SPEN: variants seen among roughly 807,000 people sequenced by gnomAD.
The protein encoded by SPEN is msx2-interacting protein.
Under a neutral mutation model 269.9 loss-of-function variants are expected in SPEN, and 18 were observed. That is an observed-to-expected ratio of 0.07 (90% confidence interval 0.05 to 0.10). SPEN has a LOEUF of 0.10. Ranked by LOEUF, SPEN falls within the 10% of genes least tolerant of loss-of-function variation. SPEN has a pLI of 1.00. For synonymous variants in SPEN, 1,726 were observed against 1,765.7 expected, an observed-to-expected ratio of 0.98 and a Z score of 0.56; for missense variants, 3,822 against 4,631.2, an observed-to-expected ratio of 0.83 and a Z score of 5.07.
rs149991335 is a variant in SPEN at position 15,870,058 on chromosome 1, G to A, written c.84-2758G>A. 4.8e-3 allele frequency among the ~76,000 whole-genome samples: 729 copies of A among 152,020 alleles called. 3 individuals carry two copies. Among genetic ancestry groups the A allele is most frequent in the African/African-American group, 0.017 (687 of 41,474 alleles). On this transcript the variant is annotated intron_variant, in intron 1 of 14. Coordinates refer to ENST00000375759, the MANE Select transcript of SPEN (RefSeq NM_015001.3). ...TAATTTTTGTATTTTTAGTAGAGACGGGGTTTCACCATGTTGGTCAGGCTG... is the reference window on the plus strand; with the variant it reads ...TAATTTTTGTATTTTTAGTAGAGACAGGGTTTCACCATGTTGGTCAGGCTG...
chr1:15,897,270 A>G (rs2070851404), intron 3 of SPEN, among the ~76,000 whole-genome samples: 1 of 152,024 alleles, frequency 6.6e-6, no homozygotes, highest in East Asian at 1.9e-4. Context: ...GCTCACTGCA[A>G]CCTCCACTTC....
chr1:15,908,999 A>G (rs190314033), intron 3 of SPEN, among the ~76,000 whole-genome samples: 92 of 152,214 alleles, frequency 6.0e-4, no homozygotes, highest in African/African-American at 2.1e-3. Context: ...CCATATACGC[A>G]CTATTATTAT....
In SPEN at chr1:15,935,129, C is replaced by T. The variant is rs151181793; in HGVS notation, c.8889C>T (p.Pro2963=). 1.4e-4 allele frequency: 223 copies of T among 1,614,044 alleles called. 1 individual carries two copies. In the African/African-American group the frequency reaches 2.9e-3, roughly 21 times the overall value. The change falls in exon 11 of 15, where the codon CCC becomes CCT. Residue 2963 remains proline (P), a synonymous_variant. Transcript: ENST00000375759. This position sits in a 1 kb window ranked among gnomAD's most constrained non-coding sequence, Gnocchi z 7.7. ...IVTTNKKLAD[P]VTLKIETKVL... ...CCACAAACAAGAAGCTTGCTGACCC[C>T]GTCACCCTTAAAATCGAGACCAAGG...
chr1:15,863,731 C>T lies in SPEN; in HGVS notation c.84-9085C>T, dbSNP rs112394214. ...TGGTGCCTGCCTGTAGTCCCAGCTG[C>T]TTAGGAGGCTGAGATAGGAGGATTG... is the stretch of plus-strand genomic sequence containing the variant. On this transcript the variant is annotated intron_variant, in intron 1 of 14. Coordinates refer to ENST00000375759, the MANE Select transcript of SPEN (RefSeq NM_015001.3). 2.8e-3 allele frequency among the ~76,000 whole-genome samples: 424 copies of T among 151,366 alleles called. 1 individual carries two copies. The highest frequency in any genetic ancestry group is 4.9e-3 in the Non-Finnish European group (335 of 67,814).
chr1:15,888,831 A>C (rs542450145), intron 3 of SPEN, among the ~76,000 whole-genome samples: 1 of 151,026 alleles, frequency 6.6e-6, no homozygotes, highest in Non-Finnish European at 1.5e-5. Context: ...GGGTTTTGCC[A>C]TGTTGGTTGG....
intron 6 of SPEN, among the ~76,000 whole-genome samples, chr1:15,918,461 C>G (rs111434257): frequency 0.035 from 5,291 of 152,238 alleles, 292 homozygotes; most frequent in African/African-American, 0.12. Context: ...TCAAGTGATC[C>G]GCCCGCCTCC....
chr1:15,873,620 C>G, intron 2 of SPEN: 2 of 993,426 alleles, frequency 2.0e-6, no homozygotes, highest in Non-Finnish European at 2.4e-6. Context: ...AAAAATCTGG[C>G]AGACCATAAT....
Position 15,935,610 on chromosome 1 carries a change from C to T in SPEN, c.9370C>T (p.Leu3124=). 1 of 1,614,178 alleles carries T rather than the reference C, an allele frequency of 6.2e-7. No individual in the cohort carries two copies. The highest frequency in any genetic ancestry group is 8.5e-7 in the Non-Finnish European group (1 of 1,180,008). The change falls in exon 11 of 15, where the codon CTG becomes TTG. Residue 3124 remains leucine, a synonymous_variant. Transcript: ENST00000375759. The surrounding 1 kb of genome is among the most constrained non-coding windows in gnomAD (Gnocchi z 7.7). ...AGCGCTTCACTCTCCTCGGGCTCCGCTGCAGCCCCAGCAAATAGAGGTCAG... is the reference window on the plus strand; with the variant it reads ...AGCGCTTCACTCTCCTCGGGCTCCGTTGCAGCCCCAGCAAATAGAGGTCAG... ...PEALHSPRAP[L]QPQQIEVRAP...
intron 1 of SPEN, among the ~76,000 whole-genome samples, chr1:15,868,588 C>T (rs972316703): frequency 6.6e-6 from 1 of 152,042 alleles, no homozygotes; most frequent in Non-Finnish European, 1.5e-5. Flanking sequence ...GTGCCCGCCA[C>T]CATGCCCAGC....
chr1:15,856,062 G>A (rs1446945695), intron 1 of SPEN, among the ~76,000 whole-genome samples: 2 of 127,956 alleles, frequency 1.6e-5, no homozygotes, highest in Non-Finnish European at 3.2e-5. Flanking sequence ...GTGTGATCTC[G>A]GCTCACTGCA....
At chr1:15,855,225 T>G (rs1220665762) in intron 1 of SPEN, among the ~76,000 whole-genome samples, 2 of 152,176 alleles carry the variant, frequency 1.3e-5, no homozygotes, top group East Asian at 3.9e-4. Context: ...TGTCTTTGTA[T>G]TAGATGCTGT....
In SPEN at chr1:15,937,246, G is replaced by C. The variant is rs772447045; in HGVS notation, c.10110G>C (p.Pro3370=). The change falls in exon 12 of 15, where the codon CCG becomes CCC. Residue 3370 remains proline (P), a synonymous_variant. Coordinates refer to ENST00000375759, the MANE Select transcript of SPEN (RefSeq NM_015001.3). This position sits in a 1 kb window ranked among gnomAD's most constrained non-coding sequence, Gnocchi z 5.7. ...CTGCCCAGCCTGCACCACCCTGCCC[G>C]CCCTCCCAGCTCGGTCAGCCCGGCC... ...TQPAQPAPPC[P]PSQLGQPGQP... is the part of the protein sequence containing the mutation. 5.0e-6 allele frequency: 8 copies of C among 1,613,324 alleles called. No homozygotes were observed. The East Asian group carries it at 1.8e-4, about 36-fold the overall frequency.
At chr1:15,938,948 C>T (rs942610373) in intron 14 of SPEN, 72 bp downstream of exon 14, 1 of 1,537,998 alleles carries the variant, frequency 6.5e-7, no homozygotes, top group Non-Finnish European at 8.8e-7. Context: ...TGGGCCTACT[C>T]ATCTGGTGCC....
At chr1:15,938,084 C>T in intron 13 of SPEN, 78 bp downstream of exon 13, 2 of 1,288,566 alleles carry the variant, frequency 1.6e-6, no homozygotes, top group Non-Finnish European at 2.2e-6. Context: ...CAGCCCATCT[C>T]CCTGGCCTGT....
intron 1 of SPEN, among the ~76,000 whole-genome samples, chr1:15,870,347 C>T (rs1328028179): frequency 6.6e-6 from 1 of 152,194 alleles, no homozygotes; most frequent in Non-Finnish European, 1.5e-5. Context: ...AAAGGCTTGA[C>T]ACTCGTCCTC....
At chr1:15,849,561 G>A (rs2070312319) in intron 1 of SPEN, among the ~76,000 whole-genome samples, 1 of 151,908 alleles carries the variant, frequency 6.6e-6, no homozygotes, top group Admixed American at 6.6e-5. Flanking sequence ...GGGGGGAGGT[G>A]CGCGCTTCCA....
chr1:15,905,934 C>T (rs1282559806), intron 3 of SPEN, among the ~76,000 whole-genome samples: 1 of 152,088 alleles, frequency 6.6e-6, no homozygotes, highest in East Asian at 1.9e-4. Context: ...ACTTCTGTAA[C>T]CACTGTTGCT....
rs752192287 is a variant in SPEN, at chr1:15,872,998, G to A, written c.266G>A (p.Arg89Gln). The A allele has an allele frequency of 3.5e-5, 56 of 1,614,028 alleles. No homozygotes were observed. The highest frequency in any genetic ancestry group is 4.7e-5 in the Non-Finnish European group (55 of 1,180,034). ...CCAGGCACCATCCCGAGTGCTGCTCGGGGATTGGATGATACAGTTTCCATA... is the reference window on the plus strand; with the variant it reads ...CCAGGCACCATCCCGAGTGCTGCTCAGGGATTGGATGATACAGTTTCCATA... ...NEPGTIPSAA[R>Q]GLDDTVSIAS... The change falls in exon 2 of 15, where the codon CGG becomes CAG. Residue 89 changes from arginine to glutamine, a missense_variant. Coordinates refer to ENST00000375759, the MANE Select transcript of SPEN (RefSeq NM_015001.3).
intron 1 of SPEN, among the ~76,000 whole-genome samples, chr1:15,857,952 A>G (rs904475773): frequency 6.6e-6 from 1 of 152,084 alleles, no homozygotes; most frequent in African/African-American, 2.4e-5. Flanking sequence ...ACATAGTGAA[A>G]TCCTGTGTCT....
Sources: allele counts gnomAD v4.1 joint callset (sites outside exome capture counted in the v4.1 genomes callset), GRCh38; gene constraint gnomAD v4.1.1; non-coding constraint Gnocchi (gnomAD v3.1); transcripts MANE v1.5; gene names NCBI Gene and HGNC (gene_info 2026-07-23, HGNC 2026-07-21).